Variants in ATP12A observed in about 807,000 individuals in gnomAD.
ATP12A encodes potassium-transporting ATPase alpha chain 2.
In ATP12A, 81 loss-of-function variants were observed where a neutral mutation model predicts 111.2. That is an observed-to-expected ratio of 0.73 (90% CI 0.61 to 0.88). ATP12A has a LOEUF of 0.88. Ranked by LOEUF, ATP12A falls within the 40% of genes least tolerant of loss-of-function variation. ATP12A has a pLI of 0.00. For missense variants in ATP12A, 1,196 were observed against 1,313.1 expected, an observed-to-expected ratio of 0.91 and a Z score of 1.38; for synonymous variants, 498 against 499.8, an observed-to-expected ratio of 1.00 and a Z score of 0.05.
rs1874493601 is a variant in ATP12A, at chr13:24,682,168, ATG to A, written c.168+455_168+456del. Among the ~76,000 whole-genome samples the A allele has an allele frequency of 3.1e-5, 2 of 64,478 alleles. 1 individual carries two copies. Among genetic ancestry groups the A allele is most frequent in the Admixed American group, 3.6e-4 (2 of 5,480 alleles). 42.3% of individuals were successfully genotyped at this position (64,478 alleles called of 152,430 possible). ...TGTGTGGTGTGTGTGTGGTGTGTGT[ATG>A]TGTGTGGTGTGTGTATGTGTGTGGT... On this transcript the variant is annotated intron_variant, in intron 2 of 22. Transcript: ENST00000381946.
intron 3 of ATP12A, among the ~76,000 whole-genome samples, chr13:24,687,315 T>G (rs1874707598): frequency 6.6e-6 from 1 of 152,052 alleles, no homozygotes; most frequent in Non-Finnish European, 1.5e-5. Flanking sequence ...ATTTTAAAAA[T>G]TAGCCAAGTG....
At position 24,708,826 on chromosome 13, in the gene ATP12A, AAGAG is replaced by A. The variant is rs1028028518; in HGVS notation, c.2494-534_2494-531del. On this transcript the variant is annotated intron_variant, in intron 17 of 22. Transcript: ENST00000381946. ...TAAAAAAGAGAAAGAAAGAAAGAGA[AAGAG>A]AGAAAGAAAGAGAGAAAGAGAGAGA... Among the ~76,000 whole-genome samples the A allele has an allele frequency of 9.4e-4, 142 of 151,312 alleles. 2 individuals are homozygous for A. Among genetic ancestry groups the A allele is most frequent in the African/African-American group, 3.3e-3 (135 of 41,260 alleles).
In ATP12A at chr13:24,680,682, T is replaced by C; in HGVS notation, c.-62T>C. The C allele has an allele frequency of 1.3e-6, 2 of 1,497,112 alleles. No homozygotes were observed. The highest frequency in any genetic ancestry group is 1.8e-6 in the Non-Finnish European group (2 of 1,129,490). The allele number at this position is 1,497,112 out of a possible 1,614,324, so 92.7% of individuals were successfully genotyped here. ...CCACACGAGGCCCCCCACCGTGCGC[T>C]CCGCCGCTGCGGTCCCGGATCCGCG... On this transcript the variant is annotated 5_prime_UTR_variant, in exon 1 of 23. Transcript: ENST00000381946.
At chr13:24,709,549 G>C in intron 18 of ATP12A, 62 bp downstream of exon 18, 1 of 1,600,422 alleles carries the variant, frequency 6.2e-7, no homozygotes, top group Non-Finnish European at 8.5e-7. Context: ...CACTGGAGTG[G>C]GGGGCACAGC....
At chr13:24,684,589 C>A (rs1439615744) in intron 2 of ATP12A, among the ~76,000 whole-genome samples, 1 of 152,174 alleles carries the variant, frequency 6.6e-6, no homozygotes, top group Non-Finnish European at 1.5e-5. Flanking sequence ...CCACCCCTCT[C>A]CCAGGGGAAA....
chr13:24,710,005 T>C (rs1286662470), intron 19 of ATP12A, among the ~76,000 whole-genome samples, 177 bp downstream of exon 19: 1 of 152,256 alleles, frequency 6.6e-6, no homozygotes, highest in Non-Finnish European at 1.5e-5. Flanking sequence ...TGGCACAGCC[T>C]CCTGTCTTGG....
At chr13:24,690,582 C>G in intron 6 of ATP12A, 22 bp from the exon 7 acceptor site, 1 of 1,604,926 alleles carries the variant, frequency 6.2e-7, no homozygotes, top group Non-Finnish European at 8.5e-7. Flanking sequence ...CAGCTGTGAA[C>G]CACCTTCAAC....
chr13:24,710,916 G>T, intron 21 of ATP12A, 23 bp downstream of exon 21: 1 of 1,597,840 alleles, frequency 6.3e-7, no homozygotes, highest in Admixed American at 1.7e-5. Context: ...TCAACAGCAT[G>T]GAGGAAAGAG....
In ATP12A at chr13:24,701,888, A is replaced by AC. The variant is rs765417561; in HGVS notation, c.1882-45dup. On this transcript the variant is annotated intron_variant, in intron 13 of 22. Transcript: ENST00000381946. ...TACTGAACCATCCCCACTTTGGCCA[A>AC]CCGAGTTCTTCATTACCCGTGGGCC... is the stretch of plus-strand genomic sequence containing the variant. 6.2e-6 allele frequency: 10 copies of AC among 1,612,972 alleles called. 1 individual carries two copies. In the South Asian group the frequency reaches 1.1e-4, roughly 18 times the overall value.
intron 14 of ATP12A, 66 bp from the exon 15 acceptor site, chr13:24,706,247 C>A: frequency 6.3e-7 from 1 of 1,575,900 alleles, no homozygotes; most frequent in Non-Finnish European, 8.6e-7. Context: ...CAGCATCCTG[C>A]CTGGAACAGT....
intron 17 of ATP12A, among the ~76,000 whole-genome samples, chr13:24,708,952 A>AG (rs1566078354): frequency 2.1e-5 from 3 of 140,490 alleles, no homozygotes; most frequent in African/African-American, 8.0e-5. Context: ...AAAGAAAGAA[A>AG]GAAAGAAAGA....
At chr13:24,706,091 T>C (rs571594734) in intron 14 of ATP12A, among the ~76,000 whole-genome samples, 1 of 152,332 alleles carries the variant, frequency 6.6e-6, no homozygotes, top group African/African-American at 2.4e-5. Flanking sequence ...CCTATTGTTA[T>C]ATGGTACCAA....
At chr13:24,694,761 T>C (rs1210169281) in intron 11 of ATP12A, among the ~76,000 whole-genome samples, 183 bp downstream of exon 11, 1 of 151,976 alleles carries the variant, frequency 6.6e-6, no homozygotes, top group Non-Finnish European at 1.5e-5. Context: ...TTCCTAACCC[T>C]GAAGCAGGGC....
At chr13:24,689,413 TC>T in intron 5 of ATP12A, 38 bp downstream of exon 5, 1 of 1,572,366 alleles carries the variant, frequency 6.4e-7, no homozygotes, top group South Asian at 1.1e-5. Context: ...CTCTGGTGAC[TC>T]CCAGGTGAGG....
intron 15 of ATP12A, 119 bp downstream of exon 15, chr13:24,706,582 G>A: frequency 7.1e-7 from 1 of 1,409,838 alleles, no homozygotes; most frequent in Non-Finnish European, 9.4e-7. Context: ...AGAGTTCTTG[G>A]CTCATCCCCA....
Position 24,681,599 on chromosome 13 carries a change from C to CTA in ATP12A, c.48_49dup (p.Lys17IlefsTer5), listed in dbSNP as rs747718275. The CTA allele has an allele frequency of 1.9e-6, 3 of 1,614,082 alleles. No homozygotes were observed. The South Asian group carries it at 3.3e-5, about 18-fold the overall frequency. On this transcript the variant is annotated frameshift_variant, in exon 2 of 23. Coordinates refer to ENST00000381946, the MANE Select transcript of ATP12A (RefSeq NM_001676.7). LOFTEE classifies it high-confidence loss of function. ...ATTTACTCCGTGGAGCTCAGCGGAACTAAGGACATCGTGAAAACAGACAAG... is the reference window on the plus strand; with the variant it reads ...ATTTACTCCGTGGAGCTCAGCGGAACTATAAGGACATCGTGAAAACAGACAAG...
In ATP12A at chr13:24,707,580, GT is replaced by G; in HGVS notation, c.2493+149del. The G allele has an allele frequency of 2.7e-6, 3 of 1,103,368 alleles. No individual in the cohort carries two copies. In the South Asian group the frequency reaches 4.7e-5, roughly 17 times the overall value. 68.3% of individuals were successfully genotyped at this position (1,103,368 alleles called of 1,614,324 possible). On this transcript the variant is annotated intron_variant, in intron 17 of 22. Coordinates refer to ENST00000381946, the MANE Select transcript of ATP12A (RefSeq NM_001676.7). ...GCCTGTAGCTCTGCATTTCTCACAG[GT>G]TCTCAGGTGGTGCCCATTCTACCAG... is the stretch of plus-strand genomic sequence containing the variant.
chr13:24,700,947 G>T, intron 13 of ATP12A, 25 bp downstream of exon 13: 1 of 1,609,272 alleles, frequency 6.2e-7, no homozygotes, highest in South Asian at 1.1e-5. Context: ...CCTGACTCAA[G>T]AAGTTCTTTC....
At position 24,692,285 on chromosome 13, in the gene ATP12A, C is replaced by T. The variant is rs1484121313; in HGVS notation, c.1069-144C>T. On this transcript the variant is annotated intron_variant, in intron 8 of 22. Coordinates refer to ENST00000381946, the MANE Select transcript of ATP12A (RefSeq NM_001676.7). ...CGTATAAGCCACCAGGTCAGCTTAG[C>T]TGCGCTGACAACCACACCTCTCCCC... is the stretch of plus-strand genomic sequence containing the variant. 1.5e-5 allele frequency: 12 copies of T among 819,102 alleles called. No individual in the cohort carries two copies. The South Asian group carries it at 1.6e-4, about 11-fold the overall frequency. 50.7% of individuals were successfully genotyped at this position (819,102 alleles called of 1,614,324 possible).
Sources: gnomAD v4.1 joint callset for allele counts (sites outside exome capture counted in the v4.1 genomes callset) on GRCh38, gnomAD v4.1.1 for gene constraint, MANE v1.5 for transcripts, NCBI Gene and HGNC (gene_info 2026-07-23, HGNC 2026-07-21) for gene names.